TSPAN18: variants seen among roughly 807,000 people sequenced by gnomAD.
The protein encoded by TSPAN18 is tetraspanin 18.
TSPAN18 carries 14 observed loss-of-function variants against 27.3 expected under a neutral mutation model. The ratio of observed to expected loss-of-function variants is 0.51; its 90% CI spans 0.34 to 0.80. The LOEUF (loss-of-function observed/expected upper bound fraction) is 0.80, where lower values mean the gene tolerates loss of function less well. TSPAN18 is among the 30% of genes least tolerant of loss of function. The probability of loss-of-function intolerance (pLI) is 0.01; values close to 1 mark genes in which losing one functional copy is unlikely to be tolerated. For missense variants in TSPAN18, 268 were observed against 323.9 expected, an observed-to-expected ratio of 0.83 and a Z score of 1.32; for synonymous variants, 143 against 136.5, an observed-to-expected ratio of 1.05 and a Z score of -0.33.
At position 44,930,412 on chromosome 11, in the gene TSPAN18, T is replaced by A. The variant is rs2135392238; in HGVS notation, c.*1234T>A. 5.7e-6 allele frequency: 1 copy of A among 175,078 alleles called. No individual in the cohort carries two copies. Among genetic ancestry groups the A allele is most frequent in the South Asian group, 1.3e-4 (1 of 7,620 alleles). The allele number at this position is 175,078 out of a possible 1,614,324, so 10.8% of individuals were successfully genotyped here. A position where few individuals can be genotyped will look rare whatever the true frequency, so the allele number is the denominator to read the frequency against. On this transcript the variant is annotated 3_prime_UTR_variant, in exon 10 of 10. Coordinates refer to ENST00000520358, the MANE Select transcript of TSPAN18 (RefSeq NM_130783.5). ...GTGGCTCTGTCCATGGCATCCCACT[T>A]GCCCACTCTCCTTCCTGGAGTGTTG...
chr11:44,870,574 C>T (rs1213614551), intron 3 of TSPAN18, among the ~76,000 whole-genome samples: 4 of 152,188 alleles, frequency 2.6e-5, no homozygotes. Flanking sequence ...CACTACTTGC[C>T]AGAGACTACA....
intron 2 of TSPAN18, among the ~76,000 whole-genome samples, chr11:44,826,071 C>T (rs1198119243): frequency 6.6e-6 from 1 of 152,204 alleles, no homozygotes; most frequent in Non-Finnish European, 1.5e-5. Flanking sequence ...CACACTCTTA[C>T]ACCACACACA....
intron 2 of TSPAN18, among the ~76,000 whole-genome samples, chr11:44,848,927 A>G (rs990963029): frequency 2.0e-5 from 3 of 152,218 alleles, no homozygotes; most frequent in African/African-American, 7.2e-5. Context: ...GGGGCCCAGC[A>G]GTCAGGCAGA....
chr11:44,898,992 A>G (rs1263464072), intron 3 of TSPAN18, among the ~76,000 whole-genome samples: 1 of 152,190 alleles, frequency 6.6e-6, no homozygotes, highest in Non-Finnish European at 1.5e-5. Flanking sequence ...GGACCTTCCC[A>G]TGGCCAGATG....
At chr11:44,878,345 G>A (rs1565188336) in intron 3 of TSPAN18, among the ~76,000 whole-genome samples, 1 of 152,206 alleles carries the variant, frequency 6.6e-6, no homozygotes, top group Non-Finnish European at 1.5e-5. Context: ...CCCTCTGGAC[G>A]CTGTAGAGAT....
At chr11:44,727,761 G>C (rs894664463) in intron 1 of TSPAN18, among the ~76,000 whole-genome samples, 1 of 152,234 alleles carries the variant, frequency 6.6e-6, no homozygotes, top group Admixed American at 6.5e-5. Context: ...TGCATGGAGG[G>C]CGGGCTGCCT....
At chr11:44,908,821 A>AAGAAAGAAAGAAAGAAAGAAAG (rs1554938151) in intron 4 of TSPAN18, among the ~76,000 whole-genome samples, 1 of 114,308 alleles carries the variant, frequency 8.7e-6, no homozygotes, top group Middle Eastern at 4.2e-3. Context: ...GAAAGAAAGA[A>AAGAAAGAAAGAAAGAAAGAAAG]AGAAAGAAAA....
At chr11:44,896,220 C>T (rs1160931783) in intron 3 of TSPAN18, among the ~76,000 whole-genome samples, 3 of 152,034 alleles carry the variant, frequency 2.0e-5, no homozygotes, top group African/African-American at 7.3e-5. Context: ...GCCTCGTGGG[C>T]TATTGTGAGG....
Position 44,743,066 on chromosome 11 carries a change from G to A in TSPAN18, c.-240+15779G>A, listed in dbSNP as rs183526434. Among the ~76,000 whole-genome samples, 432 of 152,314 alleles carry A rather than the reference G, an allele frequency of 2.8e-3. 1 individual carries two copies. The highest frequency in any genetic ancestry group is 3.9e-3 in the Non-Finnish European group (267 of 68,022). On this transcript the variant is annotated intron_variant, in intron 1 of 9. Transcript: ENST00000520358. ...TTCTAAGAGTCCTCCCCTGGGGACCGGCAGACCATCTTCCTGAGTCACCTC... is the reference window on the plus strand; with the variant it reads ...TTCTAAGAGTCCTCCCCTGGGGACCAGCAGACCATCTTCCTGAGTCACCTC...
chr11:44,881,222 G>A (rs1249591257), intron 3 of TSPAN18, among the ~76,000 whole-genome samples: 2 of 152,228 alleles, frequency 1.3e-5, no homozygotes, highest in Non-Finnish European at 2.9e-5. Context: ...TCGCAGATCT[G>A]TAGAAGTGCA....
intron 4 of TSPAN18, among the ~76,000 whole-genome samples, chr11:44,908,754 G>GAAAGGAAAGAA (rs879286401): frequency 4.3e-5 from 2 of 46,012 alleles, no homozygotes; most frequent in African/African-American, 1.4e-4. Flanking sequence ...AAGAGAGAGA[G>GAAAGGAAAGAA]AGAGAGAGAG....
At chr11:44,734,818 G>T (rs1278151049) in intron 1 of TSPAN18, among the ~76,000 whole-genome samples, 2 of 152,218 alleles carry the variant, frequency 1.3e-5, no homozygotes, top group Non-Finnish European at 2.9e-5. Context: ...CTTCTGGGGG[G>T]ACAGATTGCA....
At chr11:44,743,488 C>T (rs1385423331) in intron 1 of TSPAN18, among the ~76,000 whole-genome samples, 1 of 152,198 alleles carries the variant, frequency 6.6e-6, no homozygotes, top group Non-Finnish European at 1.5e-5. Flanking sequence ...CTTGTCCTTC[C>T]ATGTGACATG....
At chr11:44,921,802 G>A (rs2135372580) in intron 8 of TSPAN18, among the ~76,000 whole-genome samples, 1 of 152,310 alleles carries the variant, frequency 6.6e-6, no homozygotes, top group South Asian at 2.1e-4. Flanking sequence ...TAAGTTTTCA[G>A]GAGGCTTCCC....
chr11:44,783,003 A>G (rs1357260639), intron 2 of TSPAN18, among the ~76,000 whole-genome samples: 1 of 151,848 alleles, frequency 6.6e-6, no homozygotes, highest in Non-Finnish European at 1.5e-5. Context: ...TAATTTTTGT[A>G]TTTTTAGTAG....
intron 6 of TSPAN18, 94 bp downstream of exon 6, chr11:44,918,140 A>C: frequency 9.2e-6 from 12 of 1,306,814 alleles, no homozygotes; most frequent in Non-Finnish European, 1.3e-5. Flanking sequence ...GAAGGGTCTC[A>C]GAGAGTGGGC....
Position 44,926,804 on chromosome 11 carries a change from C to A in TSPAN18, c.699+47C>A, listed in dbSNP as rs376099013. 35 of 1,589,512 alleles carry A rather than the reference C, an allele frequency of 2.2e-5. No individual in the cohort carries two copies. The African/African-American group carries it at 4.3e-4, about 20-fold the overall frequency. On this transcript the variant is annotated intron_variant, in intron 9 of 9. Transcript: ENST00000520358. Reference sequence around the variant, plus strand: ...TGCCGCTCCCCAGGATGAAGCCTCACGTGGAGCCTAGGCAGATCCCCCCAG... The same window carrying A: ...TGCCGCTCCCCAGGATGAAGCCTCAAGTGGAGCCTAGGCAGATCCCCCCAG...
intron 2 of TSPAN18, among the ~76,000 whole-genome samples, chr11:44,840,741 C>A (rs1160039795): frequency 1.3e-5 from 2 of 152,168 alleles, no homozygotes; most frequent in African/African-American, 2.4e-5. Context: ...AGGCAGGAAA[C>A]CTTAACCTCA....
chr11:44,785,235 A>G (rs1856027219), intron 2 of TSPAN18, among the ~76,000 whole-genome samples: 1 of 152,242 alleles, frequency 6.6e-6, no homozygotes, highest in South Asian at 2.1e-4. Flanking sequence ...ATCCAGAGAC[A>G]TGGAAAACCC....
Sources: allele counts gnomAD v4.1 joint callset (sites outside exome capture counted in the v4.1 genomes callset), GRCh38; gene constraint gnomAD v4.1.1; transcripts MANE v1.5; gene names NCBI Gene and HGNC (gene_info 2026-07-23, HGNC 2026-07-21).